STK3: variants seen among roughly 807,000 people sequenced by gnomAD.
STK3 encodes the protein serine/threonine-protein kinase 3.
A neutral mutation model predicts 58.0 loss-of-function variants in STK3; 41 were observed. The observed-to-expected ratio is 0.71, with a 90% CI of 0.55 to 0.92. The LOEUF (loss-of-function observed/expected upper bound fraction) is 0.92. Ranked by LOEUF, STK3 falls within the 40% of genes least tolerant of loss-of-function variation. The pLI is 0.00. For synonymous variants in STK3, 170 were observed against 191.0 expected (o/e 0.89, Z 0.91); for missense variants, 479 against 602.7 (o/e 0.79, Z 2.15).
At chr8:98,795,186 G>C (rs1833072401) in intron 1 of STK3, among the ~76,000 whole-genome samples, 1 of 140,272 alleles carries the variant, frequency 7.1e-6, no homozygotes, top group African/African-American at 2.7e-5. Flanking sequence ...CTGTGGTCAA[G>C]TAAGTTTCAT....
chr8:98,532,552 T>A (rs1013225160), intron 9 of STK3, among the ~76,000 whole-genome samples: 3 of 152,098 alleles, frequency 2.0e-5, no homozygotes, highest in African/African-American at 4.8e-5. Context: ...AGTGAGCACA[T>A]AACATTGGAA....
At chr8:98,919,296 T>C (rs1358000904) in intron 1 of STK3, among the ~76,000 whole-genome samples, 1 of 152,162 alleles carries the variant, frequency 6.6e-6, no homozygotes, top group Non-Finnish European at 1.5e-5. Flanking sequence ...AGAGAGGTAA[T>C]ACATCTGTCC....
Position 98,455,925 on chromosome 8 carries a change from C to G in STK3, c.1393G>C (p.Glu465Gln), listed in dbSNP as rs1028037134. The G allele has an allele frequency of 1.4e-5, 23 of 1,613,434 alleles. No individual in the cohort carries two copies. Among genetic ancestry groups the G allele is most frequent in the Admixed American group, 6.7e-5 (4 of 59,942 alleles). ...LDPMMEREIE[E>Q]LRQRYTAKRQ... ...TTCGCAGTGTATCTCTGACGAAGTT[C>G]TTCTATCTCCCGTTCCATCATGGGG... The change falls in exon 11 of 11, where the codon GAA becomes CAA. Residue 465 changes from glutamate (E) to glutamine (Q), a missense_variant. Coordinates refer to ENST00000419617, the MANE Select transcript of STK3 (RefSeq NM_006281.4).
In STK3 at chr8:98,584,251, C is replaced by T. The variant is rs555187799; in HGVS notation, c.823-4462G>A. ...CTCCTAATGCTATCCCTCCCCCTTCCCCCCACCCCACAACAGTCCCCAGAG... is the reference window on the plus strand; with the variant it reads ...CTCCTAATGCTATCCCTCCCCCTTCTCCCCACCCCACAACAGTCCCCAGAG... On this transcript the variant is annotated intron_variant, in intron 7 of 10. Transcript: ENST00000419617. 5.5e-4 allele frequency among the ~76,000 whole-genome samples: 84 copies of T among 151,674 alleles called. 3 individuals carry two copies. The South Asian group carries it at 0.013, about 24-fold the overall frequency.
At chr8:98,838,072 T>TAAAA (rs1835809942) in intron 3 of STK3, among the ~76,000 whole-genome samples, 1 of 24,608 alleles carries the variant, frequency 4.1e-5, no homozygotes, top group Non-Finnish European at 8.8e-5. Flanking sequence ...CTACTAAAAA[T>TAAAA]ACAAAAAAAA....
Position 98,698,984 on chromosome 8 carries a change from G to A in STK3, c.684+7483C>T, listed in dbSNP as rs1021775448. Among the ~76,000 whole-genome samples the A allele has an allele frequency of 1.5e-4, 23 of 152,232 alleles. 1 individual carries two copies. Among genetic ancestry groups the A allele is most frequent in the African/African-American group, 3.1e-4 (13 of 41,518 alleles). ...TTTCCAACTTGGTTCCATTCTCCCC[G>A]TCACTTTCAGGTACACAGTGAGATG... is the stretch of plus-strand genomic sequence containing the variant. On this transcript the variant is annotated intron_variant, in intron 6 of 10. Coordinates refer to ENST00000419617, the MANE Select transcript of STK3 (RefSeq NM_006281.4).
At chr8:98,421,397 C>CT (rs1818171945) in intron 3 of STK3, among the ~76,000 whole-genome samples, 1 of 152,110 alleles carries the variant, frequency 6.6e-6, no homozygotes, top group Non-Finnish European at 1.5e-5. Flanking sequence ...GGTGGTTGCC[C>CT]CTACCCTTGC....
chr8:98,536,410 T>C (rs891654318), intron 9 of STK3, among the ~76,000 whole-genome samples: 1 of 152,078 alleles, frequency 6.6e-6, no homozygotes, highest in African/African-American at 2.4e-5. Context: ...CTATGGGCTA[T>C]GATCACAAAC....
intron 1 of STK3, among the ~76,000 whole-genome samples, chr8:98,778,087 C>G (rs540145787): frequency 1.3e-5 from 2 of 152,078 alleles, no homozygotes; most frequent in African/African-American, 4.8e-5. Context: ...TCAGAGTGAA[C>G]AGGCAACCTA....
At chr8:98,829,989 G>A (rs1472743391), upstream of STK3, among the ~76,000 whole-genome samples, 1 of 152,120 alleles carries the variant, frequency 6.6e-6, no homozygotes, top group Non-Finnish European at 1.5e-5. Context: ...CACTTTGGGA[G>A]GCCAAGGTGG....
At chr8:98,456,421 A>T (rs979175999) in intron 10 of STK3, among the ~76,000 whole-genome samples, 1 of 152,246 alleles carries the variant, frequency 6.6e-6, no homozygotes, top group African/African-American at 2.4e-5. Context: ...GAGATCACTC[A>T]AGAATGTGAC....
the STK3 span, among the ~76,000 whole-genome samples, chr8:98,344,036 C>T: frequency 0.18 from 27,820 of 151,996 alleles, 3,310 homozygotes; most frequent in Non-Finnish European, 0.27. Context: ...ACACAGGATT[C>T]CCCATATTTA....
chr8:98,676,351 G>A (rs769349784), intron 6 of STK3, among the ~76,000 whole-genome samples: 24 of 152,142 alleles, frequency 1.6e-4, no homozygotes, highest in Non-Finnish European at 2.6e-4. Context: ...GGGGCGGGGC[G>A]CGGTGGCTCA....
At chr8:98,694,190 G>A (rs188951789) in intron 6 of STK3, among the ~76,000 whole-genome samples, 6 of 152,244 alleles carry the variant, frequency 3.9e-5, no homozygotes, top group African/African-American at 9.6e-5. Flanking sequence ...GGAAAATATG[G>A]TGGGTTAAGG....
At chr8:98,558,790 G>A (rs1040457419) in intron 8 of STK3, among the ~76,000 whole-genome samples, 17 of 151,972 alleles carry the variant, frequency 1.1e-4, no homozygotes, top group African/African-American at 3.9e-4. Flanking sequence ...GTAGTAAACA[G>A]AAATTTTAAT....
Position 98,707,155 on chromosome 8 carries a change from G to A in STK3, c.508C>T (p.Gln170Ter), listed in dbSNP as rs755916185. 6 of 1,607,028 alleles carry A rather than the reference G, an allele frequency of 3.7e-6. No homozygotes were observed. Among genetic ancestry groups the A allele is most frequent in the South Asian group, 2.3e-5 (2 of 88,084 alleles). ...CATTAAAGTTAACTTACTGTTAACT[G>A]ACCAGCCACTCCAAAATCTGCCAAT... ...AKLADFGVAG[Q>*]LTDTMAKRNT... The change falls in exon 5 of 11, where the codon CAG (glutamine) becomes TAG (stop). Residue 170 changes from glutamine (Q) to a stop codon, truncating the protein, a stop_gained. Coordinates refer to ENST00000419617, the MANE Select transcript of STK3 (RefSeq NM_006281.4). LOFTEE classifies it high-confidence loss of function.
At chr8:98,469,055 G>A (rs1820704544) in intron 10 of STK3, among the ~76,000 whole-genome samples, 1 of 151,922 alleles carries the variant, frequency 6.6e-6, no homozygotes, top group Non-Finnish European at 1.5e-5. Flanking sequence ...GTTGCAGTGA[G>A]CTAGGATCGT....
At chr8:98,475,055 G>C (rs1360623778) in intron 10 of STK3, among the ~76,000 whole-genome samples, 2 of 152,130 alleles carry the variant, frequency 1.3e-5, no homozygotes, top group Non-Finnish European at 2.9e-5. Flanking sequence ...CACATATTCA[G>C]AAAAATGAGT....
intron 1 of STK3, among the ~76,000 whole-genome samples, chr8:98,814,549 C>G (rs1834428650): frequency 6.6e-6 from 1 of 152,062 alleles, no homozygotes; most frequent in Admixed American, 6.6e-5. Flanking sequence ...CCAGGTCACC[C>G]AAGCTGGAGT....
Sources: gnomAD v4.1 joint callset for allele counts (sites outside exome capture counted in the v4.1 genomes callset) on GRCh38, gnomAD v4.1.1 for gene constraint, MANE v1.5 for transcripts, NCBI Gene and HGNC (gene_info 2026-07-23, HGNC 2026-07-21) for gene names.